Variants in KCNJ5 observed in about 807,000 individuals in gnomAD.
KCNJ5 encodes the protein G protein-activated inward rectifier potassium channel 4.
In KCNJ5, 12 loss-of-function variants were observed where a neutral mutation model predicts 20.2. The ratio of observed to expected loss-of-function variants is 0.59; its 90% CI spans 0.38 to 0.96. KCNJ5 has a LOEUF of 0.96. Among genes scored for constraint, KCNJ5 ranks in the 40% least tolerant of loss-of-function variants. The pLI, the probability that KCNJ5 is intolerant of heterozygous loss-of-function variation, is 0.00. For missense variants in KCNJ5, 449 were observed against 557.6 expected (o/e 0.81, Z 1.96); for synonymous variants, 210 against 213.9 (o/e 0.98, Z 0.16).
At position 128,895,435 on chromosome 11, in the gene KCNJ5, AC is replaced by A. The variant is rs1245463976; in HGVS notation, c.-11+3717del. On this transcript the variant is annotated intron_variant, in intron 1 of 2. Transcript: ENST00000529694. ...CACTGCTGAGCACTTGGTGCCTGGAACCCTGGGCAGTGGGAGGTGCTGCTTC... is the reference window on the plus strand; with the variant it reads ...CACTGCTGAGCACTTGGTGCCTGGAACCTGGGCAGTGGGAGGTGCTGCTTC... Among the ~76,000 whole-genome samples, 21 of 144,828 alleles carry A rather than the reference AC, an allele frequency of 1.5e-4. No homozygotes were observed. In the East Asian group the frequency reaches 4.2e-3, roughly 29 times the overall value.
In KCNJ5 at chr11:128,904,584, A is replaced by G. The variant is rs542845045; in HGVS notation, c.-10-6680A>G. 22 of 908,000 alleles carry G rather than the reference A, an allele frequency of 2.4e-5. 1 individual carries two copies. The African/African-American group carries it at 2.6e-4, about 11-fold the overall frequency. 56.2% of individuals were successfully genotyped at this position (908,000 alleles called of 1,614,324 possible). On this transcript the variant is annotated intron_variant, in intron 1 of 2. Transcript: ENST00000529694. The stretch of plus-strand genomic sequence containing the variant: ...GTCAACATCACTGCGGCTTCTTAGC[A>G]AAACCGCGGACTCTGGAAACCCCAG...
chr11:128,900,970 G>C (rs1944265440), intron 1 of KCNJ5: 3 of 152,214 alleles, frequency 2.0e-5, no homozygotes, highest in Admixed American at 6.5e-5. Flanking sequence ...TATTTGGTAG[G>C]ATAGAATTTT....
chr11:128,899,295 G>C (rs1265842522), intron 1 of KCNJ5, among the ~76,000 whole-genome samples: 1 of 152,176 alleles, frequency 6.6e-6, no homozygotes, highest in Non-Finnish European at 1.5e-5. Flanking sequence ...TAAAGCATTT[G>C]GAATAAAATT....
At position 128,912,200 on chromosome 11, in the gene KCNJ5, G is replaced by A. The variant is rs1944514911; in HGVS notation, c.927G>A (p.Val309=). Residue 309 remains valine, a synonymous_variant, in exon 2 of 3, where the codon GTG becomes GTA. Coordinates refer to ENST00000529694, the MANE Select transcript of KCNJ5 (RefSeq NM_000890.5). ...FEVVVILEGM[V]EATGMTCQAR... is the part of the protein sequence containing the mutation. ...TTGTGGTCATTCTAGAAGGGATGGTGGAAGCCACAGGTAAGGCGCTTTGTC... is the reference window on the plus strand; with the variant it reads ...TTGTGGTCATTCTAGAAGGGATGGTAGAAGCCACAGGTAAGGCGCTTTGTC... The A allele has an allele frequency of 6.2e-7, 1 of 1,602,040 alleles. No individual in the cohort carries two copies. Among genetic ancestry groups the A allele is most frequent in the South Asian group, 1.1e-5 (1 of 91,068 alleles).
rs1029228406 is a variant in KCNJ5 at position 128,919,629 on chromosome 11, A to G, written c.*2898A>G. On this transcript the variant is annotated 3_prime_UTR_variant, in exon 3 of 3. Coordinates refer to ENST00000529694, the MANE Select transcript of KCNJ5 (RefSeq NM_000890.5). The stretch of plus-strand genomic sequence containing the variant: ...GACTTACTAAATGCAGAGTCTGATG[A>G]TGGACAGAGTTTCAAGGGGTCACTT... 1.3e-5 allele frequency: 2 copies of G among 152,260 alleles called. No individual in the cohort carries two copies. Among genetic ancestry groups the G allele is most frequent in the African/African-American group, 4.8e-5 (2 of 41,470 alleles). The allele number at this position is 152,260 out of a possible 1,614,324, so 9.4% of individuals were successfully genotyped here.
chr11:128,904,718 A>G, intron 1 of KCNJ5: 1 of 594,238 alleles, frequency 1.7e-6, no homozygotes, highest in South Asian at 2.0e-5. Flanking sequence ...AGAGCTCAAC[A>G]TAATTCAAAC....
In KCNJ5 at chr11:128,911,142, C is replaced by T; in HGVS notation, c.-10-122C>T. 2 of 779,086 alleles carry T rather than the reference C, an allele frequency of 2.6e-6. No homozygotes were observed. Among genetic ancestry groups the T allele is most frequent in the South Asian group, 3.0e-5 (2 of 67,444 alleles). The allele number at this position is 779,086 out of a possible 1,614,324, so 48.3% of individuals were successfully genotyped here. Reference sequence around the variant, plus strand: ...GGCCCCTGCCCTTGAGGATTTCACGCCCTGACCCCTGGATAACAGAAGAGA... The same window carrying T: ...GGCCCCTGCCCTTGAGGATTTCACGTCCTGACCCCTGGATAACAGAAGAGA... On this transcript the variant is annotated intron_variant, in intron 1 of 2. Transcript: ENST00000529694. This position sits in a 1 kb window ranked among gnomAD's most constrained non-coding sequence, Gnocchi z 6.3.
chr11:128,911,154 G>T lies in KCNJ5; in HGVS notation c.-10-110G>T, dbSNP rs1459340731. On this transcript the variant is annotated intron_variant, in intron 1 of 2. Transcript: ENST00000529694. This position sits in a 1 kb window ranked among gnomAD's most constrained non-coding sequence, Gnocchi z 6.3. ...TGAGGATTTCACGCCCTGACCCCTG[G>T]ATAACAGAAGAGAAGCCTGGGAGAG... The T allele has an allele frequency of 7.1e-6, 6 of 849,656 alleles. No homozygotes were observed. Among genetic ancestry groups the T allele is most frequent in the Non-Finnish European group, 1.2e-5 (6 of 511,018 alleles). The allele number at this position is 849,656 out of a possible 1,614,324, so 52.6% of individuals were successfully genotyped here.
At chr11:128,898,034 G>T (rs557000257) in intron 1 of KCNJ5, among the ~76,000 whole-genome samples, 5 of 152,318 alleles carry the variant, frequency 3.3e-5, no homozygotes, top group African/African-American at 1.2e-4. Context: ...ATACCACATA[G>T]TCTGGAGTTT....
chr11:128,914,856 C>T (rs1944553726), intron 2 of KCNJ5, among the ~76,000 whole-genome samples: 1 of 152,244 alleles, frequency 6.6e-6, no homozygotes, highest in African/African-American at 2.4e-5. Flanking sequence ...CCATACCTTT[C>T]CCAAGGCCCT....
intron 1 of KCNJ5, among the ~76,000 whole-genome samples, chr11:128,893,985 A>C (rs895756351): frequency 6.6e-6 from 1 of 152,154 alleles, no homozygotes; most frequent in Non-Finnish European, 1.5e-5. Context: ...TTGTCCAGGA[A>C]TTTGGGAGAC....
chr11:128,901,386 A>G (rs1212724070), intron 1 of KCNJ5: 1 of 151,338 alleles, frequency 6.6e-6, no homozygotes, highest in African/African-American at 2.4e-5. Context: ...TAGTGCACGC[A>G]AACACACACA....
chr11:128,902,829 CT>C, intron 1 of KCNJ5: 1 of 1,133,736 alleles, frequency 8.8e-7, no homozygotes, highest in Non-Finnish European at 1.2e-6. Context: ...CAGAAAAGGC[CT>C]CTCTCCGACT....
chr11:128,912,376 G>T (rs1185758051), intron 2 of KCNJ5, among the ~76,000 whole-genome samples, 166 bp downstream of exon 2: 1 of 152,182 alleles, frequency 6.6e-6, no homozygotes, highest in Non-Finnish European at 1.5e-5. Context: ...ACTCAAGATT[G>T]AGTAATAGCA....
Position 128,912,032 on chromosome 11 carries a change from C to T in KCNJ5, c.759C>T (p.Asn253=), listed in dbSNP as rs772933591. The change falls in exon 2 of 3, where the codon AAC becomes AAT. Residue 253 remains asparagine (N), a synonymous_variant. Transcript: ENST00000529694. ...QTKEGEFIPL[N]QTDINVGFDT... is the part of the protein sequence containing the mutation. ...AAGAGGGGGAGTTCATCCCCCTGAA[C>T]CAGACAGACATCAACGTGGGCTTTG... 2.5e-6 allele frequency: 4 copies of T among 1,613,604 alleles called. No homozygotes were observed. Among genetic ancestry groups the T allele is most frequent in the Non-Finnish European group, 3.4e-6 (4 of 1,179,578 alleles).
At chr11:128,906,880 CA>C (rs773011430) in intron 1 of KCNJ5, among the ~76,000 whole-genome samples, 3 of 152,068 alleles carry the variant, frequency 2.0e-5, no homozygotes, top group Non-Finnish European at 2.9e-5. Context: ...GGGTGTATAC[CA>C]GGGGGCAGGA....
At chr11:128,898,195 T>C (rs965862804) in intron 1 of KCNJ5, among the ~76,000 whole-genome samples, 11 of 152,252 alleles carry the variant, frequency 7.2e-5, no homozygotes, top group Non-Finnish European at 1.6e-4. Flanking sequence ...TAAAAAATCT[T>C]GTGAGATTTT....
At chr11:128,903,627 G>T in intron 1 of KCNJ5, 1 of 1,110,678 alleles carries the variant, frequency 9.0e-7, no homozygotes, top group East Asian at 2.5e-5. Flanking sequence ...AGAGAGTGAC[G>T]GGGCACTCTT....
Position 128,892,843 on chromosome 11 carries a change from A to T in KCNJ5, c.-11+1122A>T, listed in dbSNP as rs186467162. ...GAGCTATATACGTTTACATGAGTTCATCTTGACACCAGTCCTGTGGGGCAG... is the reference window on the plus strand; with the variant it reads ...GAGCTATATACGTTTACATGAGTTCTTCTTGACACCAGTCCTGTGGGGCAG... On this transcript the variant is annotated intron_variant, in intron 1 of 2. Coordinates refer to ENST00000529694, the MANE Select transcript of KCNJ5 (RefSeq NM_000890.5). Among the ~76,000 whole-genome samples the T allele has an allele frequency of 5.2e-3, 787 of 152,330 alleles. 3 individuals carry two copies. The highest frequency in any genetic ancestry group is 7.6e-3 in the Non-Finnish European group (516 of 68,022).
Sources: gnomAD v4.1 joint callset for allele counts (sites outside exome capture counted in the v4.1 genomes callset) on GRCh38, gnomAD v4.1.1 for gene constraint, Gnocchi (gnomAD v3.1) non-coding constraint, MANE v1.5 for transcripts, NCBI Gene and HGNC (gene_info 2026-07-23, HGNC 2026-07-21) for gene names.